PLA2G7: variants seen among roughly 807,000 people sequenced by gnomAD.
PLA2G7 encodes the protein platelet-activating factor acetylhydrolase.
Under a neutral mutation model 49.6 loss-of-function variants are expected in PLA2G7, and 63 were observed. The observed-to-expected ratio is 1.27, with a 90% CI of 1.04 to 1.57. The LOEUF (loss-of-function observed/expected upper bound fraction) is 1.57. Ranked by LOEUF, PLA2G7 falls within the 40% of genes most tolerant of loss-of-function variation. The probability of loss-of-function intolerance (pLI) is 0.00; values close to 1 mark genes in which losing one functional copy is unlikely to be tolerated. For missense variants in PLA2G7, 596 were observed against 521.2 expected, an observed-to-expected ratio of 1.14 and a Z score of -1.40; for synonymous variants, 193 against 169.9, an observed-to-expected ratio of 1.14 and a Z score of -1.06.
At chr6:46,709,793 T>G (rs969309677) in intron 8 of PLA2G7, among the ~76,000 whole-genome samples, 1 of 152,208 alleles carries the variant, frequency 6.6e-6, no homozygotes, top group Non-Finnish European at 1.5e-5. Context: ...TACTGCAGTC[T>G]CATTTCAGTG....
chr6:46,705,434 T>G (rs1034087527), intron 10 of PLA2G7, 133 bp from the exon 11 acceptor site: 2 of 727,968 alleles, frequency 2.7e-6, no homozygotes, highest in African/African-American at 3.5e-5. Context: ...ACTTGTAATT[T>G]GATCTACTTA....
chr6:46,726,884 C>T (rs185065747), intron 1 of PLA2G7, among the ~76,000 whole-genome samples: 12 of 152,080 alleles, frequency 7.9e-5, no homozygotes, highest in Admixed American at 2.0e-4. Flanking sequence ...TCATGTGATC[C>T]GCTCACCTCT....
chr6:46,718,873 G>T (rs1408451267), intron 2 of PLA2G7, among the ~76,000 whole-genome samples: 1 of 152,130 alleles, frequency 6.6e-6, no homozygotes, highest in Non-Finnish European at 1.5e-5. Flanking sequence ...ACAGTGTCTG[G>T]CACATAGTCA....
intron 1 of PLA2G7, among the ~76,000 whole-genome samples, chr6:46,731,103 A>G (rs905884627): frequency 6.6e-6 from 1 of 152,190 alleles, no homozygotes; most frequent in South Asian, 2.1e-4. Context: ...ATCTCCTTCT[A>G]GTAACTTGCA....
chr6:46,712,034 G>T (rs532749428), intron 6 of PLA2G7, among the ~76,000 whole-genome samples: 1 of 152,220 alleles, frequency 6.6e-6, no homozygotes, highest in African/African-American at 2.4e-5. Flanking sequence ...GAATGAAATG[G>T]CGTATTAAAA....
intron 8 of PLA2G7, 139 bp downstream of exon 8, chr6:46,710,406 T>TG (rs2150694783): frequency 1.5e-6 from 1 of 680,670 alleles, no homozygotes; most frequent in East Asian, 2.7e-5. Flanking sequence ...TACTGCTTTG[T>TG]GTGTCTGTGT....
In PLA2G7 at chr6:46,717,013, C is replaced by A. The variant is rs767724546; in HGVS notation, c.193G>T (p.Val65Phe). ...KIPRGNGPYS[V>F]GCTDLMFDHT... Reference sequence around the variant, plus strand: ...TCAAACATTAAGTCTGTACAACCAACGGAATAAGGCCCATTTCCCCGGGGG... The same window carrying A: ...TCAAACATTAAGTCTGTACAACCAAAGGAATAAGGCCCATTTCCCCGGGGG... The change falls in exon 3 of 12, where the codon GTT becomes TTT. Residue 65 changes from valine to phenylalanine, a missense_variant. Physicochemically the swap from Val to Phe is conservative, Grantham distance 50. Coordinates refer to ENST00000274793, the MANE Select transcript of PLA2G7 (RefSeq NM_005084.4). 1.4e-5 allele frequency: 23 copies of A among 1,613,288 alleles called. No homozygotes were observed. The highest frequency in any genetic ancestry group is 2.0e-5 in the Non-Finnish European group (23 of 1,179,354).
intron 10 of PLA2G7, among the ~76,000 whole-genome samples, chr6:46,705,687 T>C (rs983691312): frequency 1.3e-5 from 2 of 152,238 alleles, no homozygotes; most frequent in African/African-American, 4.8e-5. Flanking sequence ...ACGTGGTATG[T>C]ATTTGATGCT....
chr6:46,725,826 C>A (rs1476862254), intron 1 of PLA2G7, among the ~76,000 whole-genome samples: 1 of 152,110 alleles, frequency 6.6e-6, no homozygotes, highest in Non-Finnish European at 1.5e-5. Flanking sequence ...CTGAAGGGGC[C>A]AAGGGGGCCA....
chr6:46,717,281 G>A (rs1451150007), intron 2 of PLA2G7, among the ~76,000 whole-genome samples, 185 bp from the exon 3 acceptor site: 1 of 152,102 alleles, frequency 6.6e-6, no homozygotes, highest in African/African-American at 2.4e-5. Flanking sequence ...TAGGGGTTTT[G>A]GAGGGTAAAG....
At chr6:46,708,240 G>C in intron 9 of PLA2G7, 79 bp from the exon 10 acceptor site, 6 of 1,093,448 alleles carry the variant, frequency 5.5e-6, no homozygotes, top group Non-Finnish European at 8.5e-6. Context: ...ATAATGCTAG[G>C]ATTGGTGGAC....
intron 1 of PLA2G7, among the ~76,000 whole-genome samples, chr6:46,728,875 A>G (rs1424325174): frequency 6.6e-6 from 1 of 152,180 alleles, no homozygotes; most frequent in Non-Finnish European, 1.5e-5. Context: ...TGGTTTAGAA[A>G]TTTAGCTCCA....
rs1011206227 is a variant in PLA2G7, at chr6:46,713,031, G to C, written c.471-694C>G. Among the ~76,000 whole-genome samples, 4 of 152,112 alleles carry C rather than the reference G, an allele frequency of 2.6e-5. No homozygotes were observed. In the East Asian group the frequency reaches 7.7e-4, roughly 29 times the overall value. ...TAATAGTATGCTACCTCATCAGTGA[G>C]GATCAATTGAATTAATACATTTTCA... On this transcript the variant is annotated intron_variant, in intron 5 of 11. Coordinates refer to ENST00000274793, the MANE Select transcript of PLA2G7 (RefSeq NM_005084.4).
chr6:46,720,284 C>A (rs1278758432), intron 2 of PLA2G7, among the ~76,000 whole-genome samples: 1 of 152,238 alleles, frequency 6.6e-6, no homozygotes, highest in Non-Finnish European at 1.5e-5. Flanking sequence ...ACACAAGCCT[C>A]CGCTTGTGAG....
intron 2 of PLA2G7, 63 bp downstream of exon 2, chr6:46,722,720 G>T: frequency 1.0e-6 from 1 of 959,772 alleles, no homozygotes; most frequent in Non-Finnish European, 1.7e-6. Context: ...CAACTTCTTG[G>T]GGCCCACTTG....
chr6:46,727,083 T>C (rs73473221), intron 1 of PLA2G7, among the ~76,000 whole-genome samples: 5,810 of 152,240 alleles, frequency 0.038, 218 homozygotes, highest in African/African-American at 0.1. Context: ...AGCACTCAGA[T>C]AATACATTCC....
chr6:46,705,438 C>T (rs771402758), intron 10 of PLA2G7, 137 bp from the exon 11 acceptor site: 1 of 712,340 alleles, frequency 1.4e-6, no homozygotes. Context: ...GTAATTTGAT[C>T]TACTTAGATG....
Position 46,705,182 on chromosome 6 carries a change from G to T in PLA2G7, c.1160C>A (p.Ala387Asp). The change falls in exon 11 of 12, where the codon GCT becomes GAT. Residue 387 changes from alanine to aspartate, a missense_variant. Coordinates refer to ENST00000274793, the MANE Select transcript of PLA2G7 (RefSeq NM_005084.4). Reference protein sequence around the residue: ...SNVAIDLSNKASLAFLQKHLG... With the variant: ...SNVAIDLSNKDSLAFLQKHLG... The stretch of plus-strand genomic sequence containing the variant: ...ATGCTTTTGTAAGAATGCTAATGAA[G>T]CTTTGTTGCTAAGATCAATAGCTAC... 6.2e-7 allele frequency: 1 copy of T among 1,609,068 alleles called. No individual in the cohort carries two copies. The highest frequency in any genetic ancestry group is 8.5e-7 in the Non-Finnish European group (1 of 1,175,698).
intron 1 of PLA2G7, among the ~76,000 whole-genome samples, chr6:46,728,037 A>G (rs973960914): frequency 6.6e-6 from 1 of 152,262 alleles, no homozygotes; most frequent in Admixed American, 6.5e-5. Context: ...TGGAGCATAT[A>G]AAGTAACTGA....
Sources: gnomAD v4.1 joint callset for allele counts (sites outside exome capture counted in the v4.1 genomes callset) on GRCh38, gnomAD v4.1.1 for gene constraint, MANE v1.5 for transcripts, NCBI Gene and HGNC (gene_info 2026-07-23, HGNC 2026-07-21) for gene names.